PRIM2: variants seen among roughly 807,000 people sequenced by gnomAD.
PRIM2 encodes DNA primase large subunit.
A neutral mutation model predicts 67.3 loss-of-function variants in PRIM2; 39 were observed. The ratio of observed to expected loss-of-function variants is 0.58; its 90% CI spans 0.45 to 0.76. The LOEUF (loss-of-function observed/expected upper bound fraction) is 0.76. PRIM2 is among the 30% of genes least tolerant of loss of function. The pLI, the probability that PRIM2 is intolerant of heterozygous loss-of-function variation, is 0.00. For missense variants in PRIM2, 398 were observed against 598.7 expected (o/e 0.66, Z 3.50); for synonymous variants, 143 against 198.7 (o/e 0.72, Z 2.36).
intron 13 of PRIM2, among the ~76,000 whole-genome samples, chr6:57,643,668 A>C (rs1361408200): frequency 3.9e-5 from 6 of 152,262 alleles, no homozygotes; most frequent in African/African-American, 7.2e-5. Context: ...AATTGGGTGA[A>C]AATTGAATGT....
Position 57,646,121 on chromosome 6 carries a change from T to G in PRIM2, c.1493T>G (p.Met498Arg). 2 of 1,591,934 alleles carry G rather than the reference T, an allele frequency of 1.3e-6. No homozygotes were observed. The highest frequency in any genetic ancestry group is 2.2e-5 in the East Asian group (1 of 44,764). The stretch of plus-strand genomic sequence containing the variant: ...TTAAATTCCTCTCTGGAAATGGATA[T>G]GGAAGGACTAGAAGATTACTTTAGT... ...ASLNSSLEMD[M>R]EGLEDYFSED... is the part of the protein sequence containing the mutation. The change falls in exon 14 of 14, where the codon ATG becomes AGG. Residue 498 changes from methionine (M) to arginine (R), a missense_variant. Met to Arg is a moderately conservative substitution (Grantham distance 91, BLOSUM62 -1). Coordinates refer to ENST00000615550, the MANE Select transcript of PRIM2 (RefSeq NM_000947.5).
chr6:57,523,862 G>A (rs1554349124), intron 8 of PRIM2, among the ~76,000 whole-genome samples: 1 of 152,110 alleles, frequency 6.6e-6, no homozygotes, highest in East Asian at 1.9e-4. Context: ...ATTGATATTC[G>A]TGGTACATTG....
the PRIM2 span, among the ~76,000 whole-genome samples, chr6:57,226,961 TC>T: frequency 6.6e-6 from 1 of 152,204 alleles, no homozygotes; most frequent in Non-Finnish European, 1.5e-5. Flanking sequence ...CATTCTAAAT[TC>T]CTTTTTGTTT....
At chr6:57,530,383 A>G (rs1265253606) in intron 8 of PRIM2, among the ~76,000 whole-genome samples, 30 of 152,370 alleles carry the variant, frequency 2.0e-4, no homozygotes, top group Middle Eastern at 3.4e-3. Flanking sequence ...GCTTGTTCAT[A>G]TAGTTTCCTC....
intron 10 of PRIM2, among the ~76,000 whole-genome samples, chr6:57,592,695 G>T (rs1401729716): frequency 6.6e-6 from 1 of 151,944 alleles, no homozygotes. Flanking sequence ...GGAGGCTGAG[G>T]CAGGAGAATG....
At chr6:57,236,746 C>T in the PRIM2 span, among the ~76,000 whole-genome samples, 1 of 152,194 alleles carries the variant, frequency 6.6e-6, no homozygotes, top group Admixed American at 6.5e-5. Context: ...GACATGAACT[C>T]ATCCTTTTTT....
At chr6:57,576,230 T>C (rs1378606240) in intron 10 of PRIM2, among the ~76,000 whole-genome samples, 26 of 152,152 alleles carry the variant, frequency 1.7e-4, no homozygotes, top group African/African-American at 6.0e-4. Flanking sequence ...ATGAGAAATT[T>C]GTTAGGATAT....
Position 57,358,121 on chromosome 6 carries a change from T to C in PRIM2, c.460-21780T>C, listed in dbSNP as rs1049491278. 1.3e-5 allele frequency among the ~76,000 whole-genome samples: 2 copies of C among 152,334 alleles called. 1 individual carries two copies. On this transcript the variant is annotated intron_variant, in intron 5 of 13. Coordinates refer to ENST00000615550, the MANE Select transcript of PRIM2 (RefSeq NM_000947.5). Reference sequence around the variant, plus strand: ...CATTACTTAAGCACCCTAGAAACTGTTTGGCCTTTTGAATGTTTATTGTAA... The same window carrying C: ...CATTACTTAAGCACCCTAGAAACTGCTTGGCCTTTTGAATGTTTATTGTAA...
At chr6:57,342,737 C>A (rs1768533448) in intron 5 of PRIM2, among the ~76,000 whole-genome samples, 1 of 152,178 alleles carries the variant, frequency 6.6e-6, no homozygotes, top group African/African-American at 2.4e-5. Flanking sequence ...TTAAAAAGAC[C>A]TAGTGTTCAG....
chr6:57,621,684 T>A (rs1318337251), intron 12 of PRIM2, among the ~76,000 whole-genome samples: 3 of 152,214 alleles, frequency 2.0e-5, no homozygotes, highest in African/African-American at 7.2e-5. Flanking sequence ...TTTATGCATC[T>A]GTCTTTTAAA....
chr6:57,587,664 CAAAAAAAAAAAAAAAAAAA>C (rs1157172882), intron 10 of PRIM2, among the ~76,000 whole-genome samples: 1 of 54,236 alleles, frequency 1.8e-5, no homozygotes, highest in Non-Finnish European at 3.0e-5. Context: ...GACTCTGTCT[CAAAAAAAAAAAAAAAAAAA>C]AAAAAAAAAA....
chr6:57,552,377 T>G (rs1294784191), intron 10 of PRIM2, among the ~76,000 whole-genome samples: 1 of 152,008 alleles, frequency 6.6e-6, no homozygotes, highest in Non-Finnish European at 1.5e-5. Context: ...GCAGATTTCC[T>G]TGCTCTCAAG....
At chr6:57,290,479 T>A in the PRIM2 span, among the ~76,000 whole-genome samples, 1 of 152,186 alleles carries the variant, frequency 6.6e-6, no homozygotes, top group African/African-American at 2.4e-5. Context: ...ATCCAGGACT[T>A]GAACTCACCT....
At chr6:57,370,190 AGAAGTAG>A (rs1769496847) in intron 5 of PRIM2, among the ~76,000 whole-genome samples, 2 of 152,188 alleles carry the variant, frequency 1.3e-5, no homozygotes, top group Non-Finnish European at 2.9e-5. Context: ...CTTTGTTAGT[AGAAGTAG>A]GAAGCCATTT....
intron 8 of PRIM2, among the ~76,000 whole-genome samples, chr6:57,524,309 T>C (rs1774694679): frequency 6.6e-6 from 1 of 152,262 alleles, no homozygotes; most frequent in East Asian, 1.9e-4. Flanking sequence ...TGGCCTCTTA[T>C]GTTTAATGAG....
intron 10 of PRIM2, among the ~76,000 whole-genome samples, chr6:57,545,362 C>T (rs1262388429): frequency 1.3e-5 from 2 of 151,934 alleles, no homozygotes; most frequent in Non-Finnish European, 2.9e-5. Flanking sequence ...TGAACATATA[C>T]CATTCTGAAG....
intron 8 of PRIM2, among the ~76,000 whole-genome samples, chr6:57,529,340 C>T (rs1443727836): frequency 9.2e-5 from 14 of 151,874 alleles, no homozygotes; most frequent in East Asian, 3.9e-4. Flanking sequence ...AAACCAAGAA[C>T]GTGTCTTCAT....
intron 7 of PRIM2, 178 bp downstream of exon 7, chr6:57,382,346 A>C (rs1581847961): frequency 1.5e-6 from 1 of 683,220 alleles, no homozygotes; most frequent in African/African-American, 1.8e-5. Flanking sequence ...ATTTGTTACT[A>C]TCCATAGTTG....
chr6:57,573,552 AAG>A (rs1775900993), intron 10 of PRIM2, among the ~76,000 whole-genome samples: 1 of 152,130 alleles, frequency 6.6e-6, no homozygotes, highest in African/African-American at 2.4e-5. Context: ...ATAAACCAAA[AAG>A]AGAACTATGG....
Sources: gnomAD v4.1 joint callset for allele counts (sites outside exome capture counted in the v4.1 genomes callset) on GRCh38, gnomAD v4.1.1 for gene constraint, MANE v1.5 for transcripts, NCBI Gene and HGNC (gene_info 2026-07-23, HGNC 2026-07-21) for gene names.